The following GABRB1 variants were observed in gnomAD, a reference collection of about 807,000 sequenced individuals.
GABRB1 encodes gamma-aminobutyric acid receptor subunit beta-1.
GABRB1 carries 17 observed loss-of-function variants against 51.6 expected under a neutral mutation model. The ratio of observed to expected loss-of-function variants is 0.33; its 90% CI spans 0.23 to 0.49. The LOEUF is 0.49. GABRB1 is among the 20% of genes least tolerant of loss of function. GABRB1 has a pLI of 0.99. For synonymous variants in GABRB1, 247 were observed against 218.9 expected (o/e 1.13, Z -1.14); for missense variants, 410 against 600.6 (o/e 0.68, Z 3.32).
chr4:47,094,323 T>C (rs1714286739), intron 3 of GABRB1, among the ~76,000 whole-genome samples: 1 of 150,860 alleles, frequency 6.6e-6, no homozygotes, highest in Non-Finnish European at 1.5e-5. Context: ...CCTCCCAGGT[T>C]CAAGCGATTC....
intron 4 of GABRB1, among the ~76,000 whole-genome samples, chr4:47,182,286 T>C (rs1718984351): frequency 6.6e-6 from 1 of 151,994 alleles, no homozygotes; most frequent in South Asian, 2.1e-4. Flanking sequence ...ACTAATGTGA[T>C]GCCTTTTAAA....
chr4:47,172,596 C>A (rs1331657381), intron 4 of GABRB1, among the ~76,000 whole-genome samples: 1 of 142,582 alleles, frequency 7.0e-6, no homozygotes, highest in African/African-American at 2.6e-5. Context: ...GTAGGCCTTG[C>A]ATTTCTATAT....
At chr4:47,339,424 A>T (rs1471238738) in intron 5 of GABRB1, among the ~76,000 whole-genome samples, 2 of 152,198 alleles carry the variant, frequency 1.3e-5, no homozygotes, top group Non-Finnish European at 2.9e-5. Context: ...AACATGCTTC[A>T]GTGCCCTGGA....
chr4:47,284,970 T>C (rs777636506), intron 4 of GABRB1, among the ~76,000 whole-genome samples: 16 of 152,246 alleles, frequency 1.1e-4, no homozygotes, highest in Admixed American at 2.6e-4. Context: ...TGGAGGATCG[T>C]ACCCCATGAA....
intron 3 of GABRB1, among the ~76,000 whole-genome samples, chr4:47,152,727 A>G (rs1228149389): frequency 2.0e-5 from 3 of 151,496 alleles, no homozygotes; most frequent in Non-Finnish European, 4.4e-5. Context: ...CCAATCTTCA[A>G]CTCTTCTTAT....
intron 3 of GABRB1, among the ~76,000 whole-genome samples, chr4:47,077,970 T>A (rs1445524641): frequency 1.2e-4 from 12 of 101,058 alleles, no homozygotes; most frequent in East Asian, 5.5e-4. Context: ...ATATATATAT[T>A]TTATATATAA....
rs183119681 is a variant in GABRB1 at position 47,246,745 on chromosome 4, G to A, written c.462-73382G>A. Among the ~76,000 whole-genome samples the A allele has an allele frequency of 1.0e-3, 154 of 151,794 alleles. 1 individual carries two copies. Among genetic ancestry groups the A allele is most frequent in the South Asian group, 2.1e-3 (10 of 4,806 alleles). ...TCTCAAAGGAGTAAGGTGGTATCAC[G>A]TTGTGGTTTTGATTTGCATTTCTCT... On this transcript the variant is annotated intron_variant, in intron 4 of 8. Transcript: ENST00000295454.
intron 3 of GABRB1, among the ~76,000 whole-genome samples, chr4:47,152,005 C>T (rs1335490242): frequency 6.6e-6 from 1 of 151,888 alleles, no homozygotes; most frequent in African/African-American, 2.4e-5. Flanking sequence ...ACTACTAATT[C>T]ATTTCTAAAG....
chr4:47,160,346 C>T (rs1396142738), intron 3 of GABRB1, among the ~76,000 whole-genome samples: 1 of 152,240 alleles, frequency 6.6e-6, no homozygotes, highest in African/African-American at 2.4e-5. Flanking sequence ...AGTCTTCAGA[C>T]CAAATAAACA....
At chr4:47,142,232 G>A (rs1716969108) in intron 3 of GABRB1, among the ~76,000 whole-genome samples, 1 of 151,874 alleles carries the variant, frequency 6.6e-6, no homozygotes, top group African/African-American at 2.4e-5. Flanking sequence ...GAGAGTTGGA[G>A]AGGAGGCATA....
intron 3 of GABRB1, among the ~76,000 whole-genome samples, chr4:47,116,676 T>G (rs1260088372): frequency 6.6e-6 from 1 of 152,222 alleles, no homozygotes; most frequent in Non-Finnish European, 1.5e-5. Flanking sequence ...TCCTGTATTA[T>G]TATTGTTGTA....
chr4:47,381,830 G>T (rs1298116061), intron 5 of GABRB1, among the ~76,000 whole-genome samples: 1 of 152,152 alleles, frequency 6.6e-6, no homozygotes, highest in Non-Finnish European at 1.5e-5. Context: ...GAATTATTTA[G>T]GAAGTTTGTA....
At chr4:47,249,027 G>T (rs887173670) in intron 4 of GABRB1, among the ~76,000 whole-genome samples, 1 of 151,670 alleles carries the variant, frequency 6.6e-6, no homozygotes, top group African/African-American at 2.4e-5. Flanking sequence ...CTTTATTCTT[G>T]GTTATTTCCT....
chr4:47,146,238 G>A (rs1025903057), intron 3 of GABRB1, among the ~76,000 whole-genome samples: 1 of 151,886 alleles, frequency 6.6e-6, no homozygotes, highest in South Asian at 2.1e-4. Flanking sequence ...AAAAAGACAG[G>A]GGAACATAAA....
At chr4:47,043,629 T>A (rs1398459488) in intron 3 of GABRB1, among the ~76,000 whole-genome samples, 11 of 152,074 alleles carry the variant, frequency 7.2e-5, no homozygotes, top group Admixed American at 7.2e-4. Flanking sequence ...GAGCCAAAAC[T>A]CAAATAAAGC....
rs869194929 is a variant in GABRB1, at chr4:47,032,082, AAAAAG to A, written c.172+83_172+87del. On this transcript the variant is annotated intron_variant, in intron 2 of 8. Transcript: ENST00000295454. ...TGTCAAAGATAAATGTCAAAAAAAA[AAAAAG>A]AAAAGGCATGTCATTTTCGTAAGCG... The A allele has an allele frequency of 2.2e-4, 205 of 949,662 alleles. 5 individuals are homozygous for A. The highest frequency in any genetic ancestry group is 7.7e-4 in the South Asian group (54 of 70,322). The allele number at this position is 949,662 out of a possible 1,614,324, so 58.8% of individuals were successfully genotyped here. A position where few individuals can be genotyped will look rare whatever the true frequency, so the allele number is the denominator to read the frequency against.
At chr4:47,218,423 A>G (rs1415835113) in intron 4 of GABRB1, among the ~76,000 whole-genome samples, 1 of 151,844 alleles carries the variant, frequency 6.6e-6, no homozygotes, top group Admixed American at 6.6e-5. Flanking sequence ...AGTTTTTTGC[A>G]TAATGGCTAC....
intron 4 of GABRB1, among the ~76,000 whole-genome samples, chr4:47,291,074 A>C (rs1283930830): frequency 1.3e-5 from 2 of 152,138 alleles, no homozygotes; most frequent in East Asian, 3.9e-4. Context: ...CCTCCCATCA[A>C]GGGCTAGGAG....
At chr4:47,019,906 G>A (rs1240035688) in intron 1 of GABRB1, among the ~76,000 whole-genome samples, 1 of 147,698 alleles carries the variant, frequency 6.8e-6, no homozygotes, top group Non-Finnish European at 1.5e-5. Context: ...ATATGTATAT[G>A]TATATGTATA....
Sources: gnomAD v4.1 joint callset for allele counts (sites outside exome capture counted in the v4.1 genomes callset) on GRCh38, gnomAD v4.1.1 for gene constraint, MANE v1.5 for transcripts, NCBI Gene and HGNC (gene_info 2026-07-23, HGNC 2026-07-21) for gene names.